The following RBBP8 variants were observed in gnomAD, a reference collection of about 807,000 sequenced individuals.
RBBP8 encodes the protein RB binding protein 8, endonuclease.
RBBP8 carries 88 observed loss-of-function variants against 108.3 expected under a neutral mutation model. The observed-to-expected ratio is 0.81, with a 90% CI of 0.68 to 0.97. The LOEUF (loss-of-function observed/expected upper bound fraction) is 0.97, where lower values mean the gene tolerates loss of function less well. Ranked by LOEUF, RBBP8 falls within the 50% of genes least tolerant of loss-of-function variation. RBBP8 has a pLI of 0.00. For missense variants in RBBP8, 1,023 were observed against 1,049.0 expected (o/e 0.98, Z 0.34); for synonymous variants, 332 against 348.2 (o/e 0.95, Z 0.52).
intron 6 of RBBP8, among the ~76,000 whole-genome samples, chr18:22,980,965 CTT>C (rs1167377654): frequency 4.3e-5 from 3 of 69,490 alleles, no homozygotes; most frequent in Non-Finnish European, 5.2e-5. Flanking sequence ...CCACTTATGT[CTT>C]TTTTTTTTTT....
chr18:22,958,481 A>G (rs988625970), intron 4 of RBBP8, among the ~76,000 whole-genome samples: 12 of 152,180 alleles, frequency 7.9e-5, no homozygotes, highest in African/African-American at 1.9e-4. Context: ...GACAAGAACC[A>G]TGTTTCCTTA....
intron 4 of RBBP8, among the ~76,000 whole-genome samples, chr18:22,958,492 C>T (rs1212165599): frequency 6.6e-6 from 1 of 152,182 alleles, no homozygotes; most frequent in Non-Finnish European, 1.5e-5. Context: ...TGTTTCCTTA[C>T]ATCATTAATA....
At chr18:22,986,150 A>G (rs1282147885) in intron 8 of RBBP8, among the ~76,000 whole-genome samples, 1 of 152,070 alleles carries the variant, frequency 6.6e-6, no homozygotes, top group Admixed American at 6.6e-5. Context: ...CTTAGAGAAA[A>G]TACTGTAGCT....
At chr18:22,942,401 CACA>C (rs1911171060) in intron 2 of RBBP8, among the ~76,000 whole-genome samples, 1 of 152,030 alleles carries the variant, frequency 6.6e-6, no homozygotes, top group Non-Finnish European at 1.5e-5. Flanking sequence ...GTGCACTGAT[CACA>C]ACAATATAAT....
rs562139676 is a variant in RBBP8, at chr18:22,988,941, C to T, written c.710-280C>T. 2.6e-5 allele frequency among the ~76,000 whole-genome samples: 4 copies of T among 152,114 alleles called. No homozygotes were observed. The South Asian group carries it at 8.3e-4, about 32-fold the overall frequency. On this transcript the variant is annotated intron_variant, in intron 8 of 18. Transcript: ENST00000327155. ...GTAAATCCATTTTAAGATTTTTTTC[C>T]CCAGTGGCAATAAGAAAAATTATCT...
intron 2 of RBBP8, among the ~76,000 whole-genome samples, chr18:22,943,663 C>T (rs1567949694): frequency 6.6e-6 from 1 of 152,062 alleles, no homozygotes; most frequent in Non-Finnish European, 1.5e-5. Context: ...AGTTTAATTA[C>T]TTCATTTGTA....
intron 18 of RBBP8, among the ~76,000 whole-genome samples, chr18:23,022,647 AC>A (rs66718389): frequency 0.011 from 335 of 30,434 alleles, 14 homozygotes; most frequent in Non-Finnish European, 0.014. Context: ...TAAATAAAAT[AC>A]AATATAAAAT....
intron 6 of RBBP8, among the ~76,000 whole-genome samples, chr18:22,976,053 C>T (rs972773089): frequency 1.3e-5 from 2 of 152,060 alleles, no homozygotes; most frequent in Admixed American, 6.6e-5. Context: ...GATCCTGTTG[C>T]GTTTAAGTAG....
At chr18:22,956,718 CTG>C (rs1355696267) in intron 4 of RBBP8, among the ~76,000 whole-genome samples, 2 of 151,966 alleles carry the variant, frequency 1.3e-5, no homozygotes, top group African/African-American at 4.8e-5. Flanking sequence ...TGGGAAAACA[CTG>C]AGATATTTCA....
intron 6 of RBBP8, among the ~76,000 whole-genome samples, chr18:22,978,379 T>C (rs1308154935): frequency 6.6e-6 from 1 of 152,192 alleles, no homozygotes; most frequent in East Asian, 1.9e-4. Context: ...AGAAAATCAG[T>C]GAGACTAGTG....
intron 4 of RBBP8, among the ~76,000 whole-genome samples, chr18:22,964,948 C>CT (rs1409316261): frequency 1.3e-5 from 2 of 152,016 alleles, no homozygotes; most frequent in African/African-American, 4.8e-5. Flanking sequence ...GAAACTATGA[C>CT]TTTAAAAGAA....
At chr18:22,964,113 C>G (rs772972027) in intron 4 of RBBP8, among the ~76,000 whole-genome samples, 1 of 152,128 alleles carries the variant, frequency 6.6e-6, no homozygotes, top group South Asian at 2.1e-4. Context: ...TTTTCCCCCA[C>G]AATCCCCACC....
At chr18:22,949,074 T>C (rs533704624) in intron 3 of RBBP8, among the ~76,000 whole-genome samples, 5 of 152,300 alleles carry the variant, frequency 3.3e-5, no homozygotes, top group East Asian at 1.9e-4. Context: ...CTCAGACCTT[T>C]TGGAGTAGAT....
At chr18:22,979,291 A>C (rs1018122458) in intron 6 of RBBP8, among the ~76,000 whole-genome samples, 12 of 152,000 alleles carry the variant, frequency 7.9e-5, no homozygotes, top group Non-Finnish European at 1.3e-4. Flanking sequence ...ATTTTAAATA[A>C]TTTTATGTTT....
intron 17 of RBBP8, among the ~76,000 whole-genome samples, chr18:23,017,463 C>T (rs2046278424): frequency 6.6e-6 from 1 of 151,510 alleles, no homozygotes; most frequent in Non-Finnish European, 1.5e-5. Context: ...ACCATCCTGG[C>T]TAACATGGTG....
At chr18:22,984,100 A>AT (rs1414001525) in intron 7 of RBBP8, among the ~76,000 whole-genome samples, 3 of 152,072 alleles carry the variant, frequency 2.0e-5, no homozygotes, top group Admixed American at 6.5e-5. Flanking sequence ...AATAATAATA[A>AT]TAATTTTAAA....
intron 3 of RBBP8, among the ~76,000 whole-genome samples, chr18:22,918,450 G>A (rs570267704): frequency 6.6e-6 from 1 of 152,270 alleles, no homozygotes; most frequent in African/African-American, 2.4e-5. Flanking sequence ...AACATAGTGT[G>A]TGTGATAAGT....
At chr18:22,989,549 T>G (rs776367756) in intron 9 of RBBP8, among the ~76,000 whole-genome samples, 6 of 152,294 alleles carry the variant, frequency 3.9e-5, no homozygotes, top group Middle Eastern at 3.4e-3. Flanking sequence ...GGGGAGTAAT[T>G]ATGGCATAGA....
chr18:22,958,601 A>G (rs948727146), intron 4 of RBBP8, among the ~76,000 whole-genome samples: 7 of 152,066 alleles, frequency 4.6e-5, no homozygotes, highest in African/African-American at 1.7e-4. Context: ...GCTGGAGTGC[A>G]GTGGCGCGAC....
Sources: gnomAD v4.1 joint callset for allele counts (sites outside exome capture counted in the v4.1 genomes callset) on GRCh38, gnomAD v4.1.1 for gene constraint, MANE v1.5 for transcripts, NCBI Gene and HGNC (gene_info 2026-07-23, HGNC 2026-07-21) for gene names.